The following RASA3 variants were observed in gnomAD, a reference collection of about 807,000 sequenced individuals.
RASA3 encodes the protein ras GTPase-activating protein 3.
A neutral mutation model predicts 110.0 loss-of-function variants in RASA3; 73 were observed. The observed-to-expected ratio is 0.66, with a 90% CI of 0.55 to 0.81. RASA3 has a LOEUF of 0.81. RASA3 is among the 30% of genes least tolerant of loss of function. The pLI is 0.00. For missense variants in RASA3, 976 were observed against 1,113.2 expected, an observed-to-expected ratio of 0.88 and a Z score of 1.75; for synonymous variants, 500 against 451.4, an observed-to-expected ratio of 1.11 and a Z score of -1.37.
At chr13:114,090,306 T>C (rs945083091) in intron 1 of RASA3, among the ~76,000 whole-genome samples, 4 of 152,244 alleles carry the variant, frequency 2.6e-5, no homozygotes, top group African/African-American at 9.6e-5. Flanking sequence ...TACTGTCTTT[T>C]TGGTTATATA....
chr13:114,126,925 C>A (rs1026213963), intron 1 of RASA3, among the ~76,000 whole-genome samples: 1 of 152,214 alleles, frequency 6.6e-6, no homozygotes, highest in Non-Finnish European at 1.5e-5. Context: ...GGGTTCGCTA[C>A]GTCCACGTCT....
intron 1 of RASA3, among the ~76,000 whole-genome samples, chr13:114,092,210 G>T (rs894010112): frequency 6.6e-6 from 1 of 151,836 alleles, no homozygotes; most frequent in Non-Finnish European, 1.5e-5. Flanking sequence ...CTACTAATTT[G>T]GGGGTTGGCT....
intron 1 of RASA3, among the ~76,000 whole-genome samples, chr13:114,074,059 G>C (rs1375158989): frequency 6.6e-6 from 1 of 152,210 alleles, no homozygotes. Context: ...CCGCAAGCAG[G>C]GACCTGCCAG....
intron 12 of RASA3, among the ~76,000 whole-genome samples, 168 bp downstream of exon 12, chr13:114,017,069 G>A (rs902370918): frequency 6.6e-6 from 1 of 152,198 alleles, no homozygotes; most frequent in African/African-American, 2.4e-5. Flanking sequence ...AGTACACAGG[G>A]AACATCCTCT....
At chr13:114,037,062 C>G (rs2054291922) in intron 4 of RASA3, among the ~76,000 whole-genome samples, 1 of 152,214 alleles carries the variant, frequency 6.6e-6, no homozygotes, top group African/African-American at 2.4e-5. Context: ...GGTTCAGGAT[C>G]CTCATGTTCC....
chr13:114,079,815 G>T (rs948398300), intron 1 of RASA3, among the ~76,000 whole-genome samples: 1 of 152,132 alleles, frequency 6.6e-6, no homozygotes, highest in Non-Finnish European at 1.5e-5. Flanking sequence ...GAGTGGGCCT[G>T]AGTGCCCGTC....
chr13:113,995,437 A>G (rs1368999058), intron 21 of RASA3, among the ~76,000 whole-genome samples: 1 of 152,262 alleles, frequency 6.6e-6, no homozygotes, highest in Non-Finnish European at 1.5e-5. Context: ...CATGGAGCAC[A>G]GCTCATCCCC....
chr13:114,007,945 C>T (rs1161921471), intron 17 of RASA3, among the ~76,000 whole-genome samples: 2 of 121,820 alleles, frequency 1.6e-5, no homozygotes, highest in Admixed American at 7.8e-5. Context: ...TGGGGAGGAG[C>T]AGAGCCCTGG....
intron 1 of RASA3, among the ~76,000 whole-genome samples, chr13:114,122,843 A>G (rs962545587): frequency 3.4e-5 from 5 of 145,808 alleles, no homozygotes; most frequent in African/African-American, 1.3e-4. Context: ...GCCCAAAGCA[A>G]GGACCACTGG....
rs2052846639 is a variant in RASA3 at position 113,979,172 on chromosome 13, G to A, written c.*175C>T. 6 of 622,672 alleles carry A rather than the reference G, an allele frequency of 9.6e-6. No individual in the cohort carries two copies. Among genetic ancestry groups the A allele is most frequent in the Non-Finnish European group, 1.7e-5 (6 of 349,698 alleles). 38.6% of individuals were successfully genotyped at this position (622,672 alleles called of 1,614,324 possible). On this transcript the variant is annotated 3_prime_UTR_variant, in exon 24 of 24. Transcript: ENST00000334062. The stretch of plus-strand genomic sequence containing the variant: ...GCCAGGTGGGCTTTCTGCGGAGGGC[G>A]TGGCGGTGGTGGCAGCGGTTCTGGG...
chr13:114,057,293 C>T lies in RASA3; in HGVS notation c.174-5138G>A, dbSNP rs1381188846. Reference sequence around the variant, plus strand: ...AACCAGGCAGGACATCTGCAGGCGGCCGGCCAGCCTTATCAACGGAGCTCT... The same window carrying T: ...AACCAGGCAGGACATCTGCAGGCGGTCGGCCAGCCTTATCAACGGAGCTCT... On this transcript the variant is annotated intron_variant, in intron 2 of 23. Transcript: ENST00000334062. The surrounding 1 kb of genome is among the most constrained non-coding windows in gnomAD (Gnocchi z 5.0). The T allele has an allele frequency of 3.7e-5, 36 of 985,332 alleles. No homozygotes were observed. Among genetic ancestry groups the T allele is most frequent in the Non-Finnish European group, 4.2e-5 (35 of 829,940 alleles). 61.0% of individuals were successfully genotyped at this position (985,332 alleles called of 1,614,324 possible).
intron 2 of RASA3, among the ~76,000 whole-genome samples, chr13:114,058,711 C>T (rs75238954): frequency 0.011 from 1,609 of 152,326 alleles, 5 homozygotes; most frequent in Non-Finnish European, 0.017. Context: ...TGGACTATGC[C>T]GACCCGCAGT....
At chr13:114,018,395 C>T (rs2053841704) in intron 10 of RASA3, 143 bp from the exon 11 acceptor site, 2 of 1,186,446 alleles carry the variant, frequency 1.7e-6, no homozygotes, top group Non-Finnish European at 1.1e-6. Context: ...CACAAAAACA[C>T]CAAACTTCCC....
chr13:114,101,229 A>G (rs999514703), intron 1 of RASA3, among the ~76,000 whole-genome samples: 1 of 152,224 alleles, frequency 6.6e-6, no homozygotes, highest in African/African-American at 2.4e-5. Flanking sequence ...TTGAAGAACC[A>G]GGGAATTTCA....
chr13:114,043,043 C>T (rs186771705), intron 3 of RASA3, among the ~76,000 whole-genome samples: 136 of 152,314 alleles, frequency 8.9e-4, no homozygotes, highest in Middle Eastern at 3.4e-3. Flanking sequence ...CGGGCTCATG[C>T]GAGCGAGACC....
chr13:114,075,492 G>A (rs1315968994), intron 1 of RASA3, among the ~76,000 whole-genome samples: 1 of 99,906 alleles, frequency 1.0e-5, no homozygotes, highest in African/African-American at 3.6e-5. Flanking sequence ...GGCACCGGCA[G>A]GACGAAGCCT....
intron 1 of RASA3, among the ~76,000 whole-genome samples, chr13:114,117,398 AGCACGTCTGTGAGGGGT>A (rs2080300605): frequency 9.1e-6 from 1 of 109,548 alleles, no homozygotes; most frequent in Non-Finnish European, 1.9e-5. Flanking sequence ...GTGTGAGGGG[AGCACGTCTGTGAGGGGT>A]GCATGCAATG....
chr13:113,998,466 A>G (rs1393055040), intron 20 of RASA3, among the ~76,000 whole-genome samples: 1 of 152,198 alleles, frequency 6.6e-6, no homozygotes, highest in East Asian at 1.9e-4. Flanking sequence ...CTTCCCTGCA[A>G]CTGTTCTATG....
chr13:114,039,998 C>A (rs914808700), intron 4 of RASA3, among the ~76,000 whole-genome samples: 1 of 152,244 alleles, frequency 6.6e-6, no homozygotes, highest in Admixed American at 6.5e-5. Flanking sequence ...CCCAGCCAAC[C>A]GTGGGGAAGT....
Sources: gnomAD v4.1 joint callset for allele counts (sites outside exome capture counted in the v4.1 genomes callset) on GRCh38, gnomAD v4.1.1 for gene constraint, Gnocchi (gnomAD v3.1) non-coding constraint, MANE v1.5 for transcripts, NCBI Gene and HGNC (gene_info 2026-07-23, HGNC 2026-07-21) for gene names.